The following FGF2 variants were observed in gnomAD, a reference collection of about 807,000 sequenced individuals.
The protein encoded by FGF2 is basic fibroblast growth factor bFGF.
In FGF2, 13 loss-of-function variants were observed where a neutral mutation model predicts 15.9. The ratio of observed to expected loss-of-function variants is 0.82; its 90% CI spans 0.53 to 1.30. The LOEUF is 1.30. Ranked by LOEUF, FGF2 falls within the 50% of genes most tolerant of loss-of-function variation. The probability of loss-of-function intolerance (pLI) is 0.00; values close to 1 mark genes in which losing one functional copy is unlikely to be tolerated. For missense variants in FGF2, 163 were observed against 196.9 expected (o/e 0.83, Z 1.03); for synonymous variants, 90 against 78.4 (o/e 1.15, Z -0.78).
chr4:122,892,463 A>C lies in FGF2; in HGVS notation c.*67A>C. On this transcript the variant is annotated 3_prime_UTR_variant, in exon 3 of 3. Coordinates refer to ENST00000644866, the MANE Select transcript of FGF2 (RefSeq NM_001361665.2). ...AGTATATTTTAGAAATTTGTTAATGAGAGTAAAAGAAAATAAATGTGTATA... is the reference window on the plus strand; with the variant it reads ...AGTATATTTTAGAAATTTGTTAATGCGAGTAAAAGAAAATAAATGTGTATA... The C allele has an allele frequency of 6.2e-7, 1 of 1,607,282 alleles. No individual in the cohort carries two copies. Among genetic ancestry groups the C allele is most frequent in the Non-Finnish European group, 8.5e-7 (1 of 1,175,470 alleles).
chr4:122,891,424 C>CTTTTT (rs57602061), intron 2 of FGF2, among the ~76,000 whole-genome samples: 3 of 135,262 alleles, frequency 2.2e-5, no homozygotes, highest in African/African-American at 5.4e-5. Flanking sequence ...GCCAGCTATC[C>CTTTTT]TTTTTTTTTT....
chr4:122,866,239 G>A (rs1726577213), intron 1 of FGF2, among the ~76,000 whole-genome samples: 1 of 152,106 alleles, frequency 6.6e-6, no homozygotes, highest in Non-Finnish European at 1.5e-5. Flanking sequence ...GTGGTGGCGG[G>A]CGCCTGTAGT....
intron 2 of FGF2, among the ~76,000 whole-genome samples, chr4:122,880,648 G>T (rs183938065): frequency 6.6e-6 from 1 of 152,326 alleles, no homozygotes; most frequent in Non-Finnish European, 1.5e-5. Context: ...ATATTGAGCA[G>T]CTCTGCCCCT....
intron 1 of FGF2, among the ~76,000 whole-genome samples, chr4:122,836,707 G>A (rs1259329528): frequency 2.0e-5 from 3 of 152,098 alleles, no homozygotes; most frequent in Non-Finnish European, 4.4e-5. Flanking sequence ...TTTGTTGAAT[G>A]GGCAACAACT....
At position 122,874,472 on chromosome 4, in the gene FGF2, C is replaced by T. The variant is rs561594781; in HGVS notation, c.179-1849C>T. ...GACTGACACACAGAGGTGACTCAGA[C>T]ATGAAATGTTCAACAAAATTCTAAG... is the stretch of plus-strand genomic sequence containing the variant. On this transcript the variant is annotated intron_variant, in intron 1 of 2. Transcript: ENST00000644866. Among the ~76,000 whole-genome samples, 222 of 152,220 alleles carry T rather than the reference C, an allele frequency of 1.5e-3. 1 individual carries two copies. Among genetic ancestry groups the T allele is most frequent in the Non-Finnish European group, 2.5e-3 (170 of 68,000 alleles).
intron 1 of FGF2, among the ~76,000 whole-genome samples, chr4:122,868,574 T>C (rs983384040): frequency 5.3e-5 from 8 of 152,206 alleles, no homozygotes; most frequent in Admixed American, 4.6e-4. Flanking sequence ...AGTGCTGCAA[T>C]AAACACACAT....
intron 1 of FGF2, among the ~76,000 whole-genome samples, chr4:122,856,821 C>T (rs1186496996): frequency 2.6e-5 from 4 of 152,144 alleles, no homozygotes; most frequent in African/African-American, 9.7e-5. Context: ...ACGGTGATTC[C>T]TCAGGTTGCC....
chr4:122,854,825 ACT>A lies in FGF2; in HGVS notation c.179-21491_179-21490del, dbSNP rs547727270. Among the ~76,000 whole-genome samples the A allele has an allele frequency of 1.6e-4, 25 of 151,596 alleles. No homozygotes were observed. In the South Asian group the frequency reaches 5.2e-3, roughly 32 times the overall value. On this transcript the variant is annotated intron_variant, in intron 1 of 2. Transcript: ENST00000644866. ...GCTATTTTCATGGGAGTCAAATAAAACTCTCTTGTCTTAAGCCTGCTTTGAAA... is the reference window on the plus strand; with the variant it reads ...GCTATTTTCATGGGAGTCAAATAAAACTCTTGTCTTAAGCCTGCTTTGAAA...
intron 1 of FGF2, among the ~76,000 whole-genome samples, chr4:122,859,497 A>G (rs1373643836): frequency 1.3e-5 from 2 of 152,218 alleles, no homozygotes; most frequent in African/African-American, 2.4e-5. Flanking sequence ...CCACATTCAT[A>G]CTTGCCCTCT....
chr4:122,887,806 A>G (rs1727089223), intron 2 of FGF2, among the ~76,000 whole-genome samples: 1 of 152,180 alleles, frequency 6.6e-6, no homozygotes, highest in South Asian at 2.1e-4. Context: ...TGACAAATTT[A>G]TATCACTATC....
intron 1 of FGF2, among the ~76,000 whole-genome samples, chr4:122,847,467 A>T (rs1054974286): frequency 6.6e-6 from 1 of 152,154 alleles, no homozygotes; most frequent in Non-Finnish European, 1.5e-5. Flanking sequence ...TTGGAGTCTC[A>T]TCACAGAGGA....
intron 2 of FGF2, chr4:122,884,337 T>C (rs1285778805): frequency 6.6e-6 from 1 of 151,976 alleles, no homozygotes; most frequent in Non-Finnish European, 1.5e-5. Context: ...CTACTAAAAA[T>C]ACAAAAATTA....
rs1725655638 is a variant in FGF2, at chr4:122,827,117, G to GGCGGCTCCCCGCGCGGCTCCA, written c.-50_-30dup. 8.6e-6 allele frequency: 11 copies of GGCGGCTCCCCGCGCGGCTCCA among 1,273,526 alleles called. No individual in the cohort carries two copies. Among genetic ancestry groups the GGCGGCTCCCCGCGCGGCTCCA allele is most frequent in the Non-Finnish European group, 1.1e-5 (11 of 1,012,764 alleles). The allele number at this position is 1,273,526 out of a possible 1,614,324, so 78.9% of individuals were successfully genotyped here. On this transcript the variant is annotated 5_prime_UTR_variant, in exon 1 of 3. Transcript: ENST00000644866. The surrounding 1 kb of genome is among the most constrained non-coding windows in gnomAD (Gnocchi z 4.2). Reference sequence around the variant, plus strand: ...GAGGCCGGGGCCGGGGCCGGGGGACGGCGGCTCCCCGCGCGGCTCCAGCGG... The same window carrying GGCGGCTCCCCGCGCGGCTCCA: ...GAGGCCGGGGCCGGGGCCGGGGGACGGCGGCTCCCCGCGCGGCTCCAGCGGCTCCCCGCGCGGCTCCAGCGG...
Position 122,894,047 on chromosome 4 carries a change from G to C in FGF2, c.*1651G>C, listed in dbSNP as rs1008035736. On this transcript the variant is annotated 3_prime_UTR_variant, in exon 3 of 3. Transcript: ENST00000644866. ...ACTGGTGAAAAACATGCAAAGAAGA[G>C]GAAGTCACAGAAACATGTCTCAATT... 1.3e-5 allele frequency: 2 copies of C among 152,200 alleles called. No homozygotes were observed. Among genetic ancestry groups the C allele is most frequent in the African/African-American group, 4.8e-5 (2 of 41,450 alleles). The allele number at this position is 152,200 out of a possible 1,614,324, so 9.4% of individuals were successfully genotyped here. A position where few individuals can be genotyped will look rare whatever the true frequency, so the allele number is the denominator to read the frequency against.
At chr4:122,837,114 G>A (rs1560736943) in intron 1 of FGF2, among the ~76,000 whole-genome samples, 4 of 152,122 alleles carry the variant, frequency 2.6e-5, no homozygotes, top group Admixed American at 6.5e-5. Context: ...GTGATGAAAT[G>A]GCATGGATAG....
chr4:122,849,506 C>T (rs927507527), intron 1 of FGF2, among the ~76,000 whole-genome samples: 10 of 151,824 alleles, frequency 6.6e-5, no homozygotes, highest in Non-Finnish European at 1.0e-4. Flanking sequence ...ATGTAGATGA[C>T]GGGTTGATGG....
chr4:122,866,933 T>G (rs1302769522), intron 1 of FGF2, among the ~76,000 whole-genome samples: 1 of 152,188 alleles, frequency 6.6e-6, no homozygotes, highest in Non-Finnish European at 1.5e-5. Flanking sequence ...AGTCCAAATA[T>G]CCATCAGCTG....
At position 122,826,938 on chromosome 4, in the gene FGF2, C is replaced by T. The variant is rs765107715; in HGVS notation, c.-237C>T. ...TCCGCGGAGACACCCATCCGTGAAC[C>T]CCAGGTCCCGGGCCGCCGGCTCGCC... On this transcript the variant is annotated 5_prime_UTR_variant, in exon 1 of 3. Coordinates refer to ENST00000644866, the MANE Select transcript of FGF2 (RefSeq NM_001361665.2). The T allele has an allele frequency of 1.3e-5, 18 of 1,430,474 alleles. No homozygotes were observed. In the African/African-American group the frequency reaches 1.9e-4, roughly 15 times the overall value. The allele number at this position is 1,430,474 out of a possible 1,614,324, so 88.6% of individuals were successfully genotyped here.
At position 122,851,651 on chromosome 4, in the gene FGF2, T is replaced by C. The variant is rs191008897; in HGVS notation, c.178+24299T>C. Among the ~76,000 whole-genome samples, 16 of 152,342 alleles carry C rather than the reference T, an allele frequency of 1.1e-4. No homozygotes were observed. The East Asian group carries it at 2.9e-3, about 28-fold the overall frequency. ...GTCTAAATAGGGGCTAGAATTGATTTCTTAGCTAGAATGTGTTGAACAGCT... is the reference window on the plus strand; with the variant it reads ...GTCTAAATAGGGGCTAGAATTGATTCCTTAGCTAGAATGTGTTGAACAGCT... On this transcript the variant is annotated intron_variant, in intron 1 of 2. Coordinates refer to ENST00000644866, the MANE Select transcript of FGF2 (RefSeq NM_001361665.2).
Sources: gnomAD v4.1 joint callset for allele counts (sites outside exome capture counted in the v4.1 genomes callset) on GRCh38, gnomAD v4.1.1 for gene constraint, Gnocchi (gnomAD v3.1) non-coding constraint, MANE v1.5 for transcripts, NCBI Gene and HGNC (gene_info 2026-07-23, HGNC 2026-07-21) for gene names.